ERC2: variants seen among roughly 807,000 people sequenced by gnomAD.
The protein encoded by ERC2 is ERC protein 2.
ERC2 carries 42 observed loss-of-function variants against 114.8 expected under a neutral mutation model. The ratio of observed to expected loss-of-function variants is 0.37; its 90% CI spans 0.29 to 0.47. ERC2 has a LOEUF of 0.47. Among genes scored for constraint, ERC2 ranks in the 20% least tolerant of loss-of-function variants. ERC2 has a pLI of 0.99. For missense variants in ERC2, 939 were observed against 1,150.7 expected (o/e 0.82, Z 2.66); for synonymous variants, 454 against 425.5 (o/e 1.07, Z -0.82).
At chr3:55,922,000 C>G (rs746288642) in intron 13 of ERC2, among the ~76,000 whole-genome samples, 1 of 152,094 alleles carries the variant, frequency 6.6e-6, no homozygotes, top group Non-Finnish European at 1.5e-5. Context: ...ACTGCTTTGC[C>G]CTACACATTA....
At chr3:55,705,861 T>C (rs975028323) in intron 15 of ERC2, among the ~76,000 whole-genome samples, 1 of 152,124 alleles carries the variant, frequency 6.6e-6, no homozygotes, top group Non-Finnish European at 1.5e-5. Flanking sequence ...TAAGCACTTT[T>C]ATTTTATTTT....
chr3:56,002,948 G>T (rs1013023210), intron 10 of ERC2, among the ~76,000 whole-genome samples: 5 of 151,906 alleles, frequency 3.3e-5, no homozygotes, highest in Non-Finnish European at 7.4e-5. Flanking sequence ...AATGGCAGTG[G>T]CCTCAGCACA....
In ERC2 at chr3:55,656,289, C is replaced by G. The variant is rs780992338; in HGVS notation, c.*39+27505G>C. On this transcript the variant is annotated intron_variant, in intron 17 of 17. Transcript: ENST00000288221. ...GAGTAGCTTGGACTACAGGAGTACA[C>G]CCCCACTTCCAACTATTTTTTTTGT... Among the ~76,000 whole-genome samples the G allele has an allele frequency of 2.6e-5, 4 of 152,090 alleles. No individual in the cohort carries two copies. In the East Asian group the frequency reaches 5.8e-4, roughly 22 times the overall value.
chr3:56,135,126 T>C (rs1312763187), intron 6 of ERC2, among the ~76,000 whole-genome samples: 7 of 151,962 alleles, frequency 4.6e-5, no homozygotes, highest in Non-Finnish European at 5.9e-5. Flanking sequence ...CTAATTTTTG[T>C]ATTATTAGTA....
intron 14 of ERC2, among the ~76,000 whole-genome samples, chr3:55,743,609 A>AAG (rs2066116360): frequency 2.6e-5 from 4 of 151,448 alleles, no homozygotes; most frequent in Non-Finnish European, 5.9e-5. Context: ...AAAAAAAAAA[A>AAG]AAAAGAAACA....
chr3:56,304,317 C>T (rs1347128068), intron 2 of ERC2, among the ~76,000 whole-genome samples: 2 of 152,098 alleles, frequency 1.3e-5, no homozygotes, highest in African/African-American at 4.8e-5. Flanking sequence ...ATACTGTTAA[C>T]TTTGGGCCAA....
intron 17 of ERC2, among the ~76,000 whole-genome samples, chr3:55,532,769 G>A (rs1365090762): frequency 6.6e-6 from 1 of 152,110 alleles, no homozygotes. Flanking sequence ...GTACTATCAG[G>A]CTCCTTCTTT....
At position 56,353,573 on chromosome 3, in the gene ERC2, C is replaced by T. The variant is rs540628120; in HGVS notation, c.658-57138G>A. ...CGCAAGGACAAAAAACCAAACACCA[C>T]ATGTTCTCACTCATAGGTGGGAATT... On this transcript the variant is annotated intron_variant, in intron 2 of 17. Coordinates refer to ENST00000288221, the MANE Select transcript of ERC2 (RefSeq NM_015576.3). Among the ~76,000 whole-genome samples the T allele has an allele frequency of 7.7e-4, 113 of 146,024 alleles. 1 individual carries two copies. Among genetic ancestry groups the T allele is most frequent in the Non-Finnish European group, 1.1e-3 (75 of 67,496 alleles).
chr3:55,648,930 C>T (rs1427506911), intron 17 of ERC2, among the ~76,000 whole-genome samples: 1 of 152,134 alleles, frequency 6.6e-6, no homozygotes, highest in Non-Finnish European at 1.5e-5. Context: ...AGGGGACACA[C>T]ACCACGGACA....
At chr3:56,333,873 C>T (rs2057740010) in intron 2 of ERC2, among the ~76,000 whole-genome samples, 2 of 152,116 alleles carry the variant, frequency 1.3e-5, no homozygotes, top group Admixed American at 6.5e-5. Context: ...CTAAAGGAAA[C>T]ATATTTTGAA....
intron 3 of ERC2, among the ~76,000 whole-genome samples, chr3:56,294,397 C>G (rs934259617): frequency 2.0e-5 from 3 of 152,218 alleles, no homozygotes; most frequent in African/African-American, 7.2e-5. Flanking sequence ...GTCTTCTTAT[C>G]TGAAGCTCGA....
chr3:55,908,701 G>A (rs554384242), intron 13 of ERC2, among the ~76,000 whole-genome samples: 1 of 152,246 alleles, frequency 6.6e-6, no homozygotes, highest in East Asian at 1.9e-4. Flanking sequence ...TGAGCTTTAA[G>A]CCCTCTTCTA....
At chr3:55,570,211 G>A (rs1173677263) in intron 17 of ERC2, among the ~76,000 whole-genome samples, 1 of 151,860 alleles carries the variant, frequency 6.6e-6, no homozygotes, top group African/African-American at 2.4e-5. Flanking sequence ...GAGCCAATGG[G>A]GCTTTAAATC....
chr3:56,396,689 GTTTTGT>G lies in ERC2; in HGVS notation c.657+37656_657+37661del, dbSNP rs948918066. On this transcript the variant is annotated intron_variant, in intron 2 of 17. Transcript: ENST00000288221. ...TCAAGTTTTAGGGTTTTTTTGTTTT[GTTTTGT>G]TTTTGTTTTTGTTTTTACAAACAAT... Among the ~76,000 whole-genome samples, 4 of 151,934 alleles carry G rather than the reference GTTTTGT, an allele frequency of 2.6e-5. No individual in the cohort carries two copies. The Middle Eastern group carries it at 0.01, about 390-fold the overall frequency.
At chr3:56,434,214 A>T in intron 2 of ERC2, 137 bp downstream of exon 2, 1 of 706,866 alleles carries the variant, frequency 1.4e-6, no homozygotes, top group Non-Finnish European at 2.3e-6. Context: ...ATAGTGTCTA[A>T]GTCAAACACA....
intron 14 of ERC2, among the ~76,000 whole-genome samples, chr3:55,757,324 A>G (rs2067126802): frequency 6.6e-6 from 1 of 152,086 alleles, no homozygotes; most frequent in South Asian, 2.1e-4. Context: ...AATTTTAAAG[A>G]AATCTGAGAA....
intron 17 of ERC2, among the ~76,000 whole-genome samples, chr3:55,635,945 C>T (rs775470269): frequency 1.3e-4 from 20 of 151,506 alleles, no homozygotes; most frequent in South Asian, 4.2e-4. Flanking sequence ...GTGGTGTGAT[C>T]GGCTCACTGC....
intron 4 of ERC2, among the ~76,000 whole-genome samples, chr3:56,154,143 C>T (rs965323676): frequency 6.6e-6 from 1 of 152,068 alleles, no homozygotes; most frequent in African/African-American, 2.4e-5. Flanking sequence ...TGAGTAAGGC[C>T]CTGCCTTGGG....
chr3:56,273,936 G>T (rs930821280), intron 3 of ERC2, among the ~76,000 whole-genome samples: 4 of 152,198 alleles, frequency 2.6e-5, no homozygotes, highest in African/African-American at 9.7e-5. Context: ...ACACAATTCT[G>T]TACACTGACT....
Sources: gnomAD v4.1 joint callset for allele counts (sites outside exome capture counted in the v4.1 genomes callset) on GRCh38, gnomAD v4.1.1 for gene constraint, MANE v1.5 for transcripts, NCBI Gene and HGNC (gene_info 2026-07-23, HGNC 2026-07-21) for gene names.